The following F13A1 variants were observed in gnomAD, a reference collection of about 807,000 sequenced individuals.
The protein encoded by F13A1 is coagulation factor XIII A chain, also known as FSF, A subunit.
Under a neutral mutation model 80.1 loss-of-function variants are expected in F13A1, and 47 were observed. The ratio of observed to expected loss-of-function variants is 0.59; its 90% CI spans 0.46 to 0.75. The LOEUF is 0.75. Among genes scored for constraint, F13A1 ranks in the 30% least tolerant of loss-of-function variants. The probability of loss-of-function intolerance (pLI) is 0.00; values close to 1 mark genes in which losing one functional copy is unlikely to be tolerated. For synonymous variants in F13A1, 349 were observed against 344.9 expected, an observed-to-expected ratio of 1.01 and a Z score of -0.13; for missense variants, 817 against 930.4, an observed-to-expected ratio of 0.88 and a Z score of 1.59.
At chr6:6,168,558 A>G (rs1583052632) in intron 12 of F13A1, among the ~76,000 whole-genome samples, 1 of 152,170 alleles carries the variant, frequency 6.6e-6, no homozygotes, top group African/African-American at 2.4e-5. Context: ...TGAATGGGTG[A>G]CTCATTCCTC....
At chr6:6,209,143 C>T (rs1041018597) in intron 8 of F13A1, among the ~76,000 whole-genome samples, 3 of 151,754 alleles carry the variant, frequency 2.0e-5, no homozygotes, top group African/African-American at 7.3e-5. Context: ...TTCAACAATA[C>T]AAAAGTAGGT....
chr6:6,264,822 C>T (rs1318380318), intron 4 of F13A1, among the ~76,000 whole-genome samples: 2 of 152,212 alleles, frequency 1.3e-5, no homozygotes, highest in African/African-American at 4.8e-5. Context: ...TTGAACTGCA[C>T]ATGGCCCAGT....
intron 13 of F13A1, among the ~76,000 whole-genome samples, chr6:6,155,444 G>A (rs565492781): frequency 1.3e-5 from 2 of 152,292 alleles, no homozygotes; most frequent in East Asian, 3.9e-4. Flanking sequence ...GGAGTGGGGA[G>A]CAGGGAGAAG....
At chr6:6,151,127 G>A (rs1760366090) in intron 14 of F13A1, among the ~76,000 whole-genome samples, 1 of 152,208 alleles carries the variant, frequency 6.6e-6, no homozygotes, top group Non-Finnish European at 1.5e-5. Flanking sequence ...CTCTTTGTTA[G>A]TAGAAGTCAC....
At chr6:6,168,713 T>C (rs1760719192) in intron 12 of F13A1, among the ~76,000 whole-genome samples, 2 of 152,244 alleles carry the variant, frequency 1.3e-5, no homozygotes, top group Admixed American at 1.3e-4. Context: ...GCCAACAGTT[T>C]GAGCACAGAG....
At chr6:6,284,853 T>C (rs1758113742) in intron 3 of F13A1, among the ~76,000 whole-genome samples, 1 of 152,184 alleles carries the variant, frequency 6.6e-6, no homozygotes. Flanking sequence ...GATTTTACCC[T>C]TCAACTCTAG....
intron 14 of F13A1, among the ~76,000 whole-genome samples, chr6:6,150,359 A>AT (rs538953097): frequency 6.0e-5 from 9 of 151,024 alleles, no homozygotes; most frequent in Middle Eastern, 3.2e-3. Context: ...TAATTTACTT[A>AT]TTTTTTTTTC....
At position 6,301,536 on chromosome 6, in the gene F13A1, T is replaced by C. The variant is rs1354341299; in HGVS notation, c.319+3815A>G. Among the ~76,000 whole-genome samples the C allele has an allele frequency of 6.6e-5, 10 of 152,312 alleles. No homozygotes were observed. In the East Asian group the frequency reaches 1.5e-3, roughly 23 times the overall value. On this transcript the variant is annotated intron_variant, in intron 3 of 14. Coordinates refer to ENST00000264870, the MANE Select transcript of F13A1 (RefSeq NM_000129.4). ...CGCACACATCATGGGTTCTGAAAGG[T>C]TTAGAATACATGTTGGTTTAAAAAT...
chr6:6,224,603 G>T, intron 7 of F13A1, 83 bp downstream of exon 7: 1 of 1,310,628 alleles, frequency 7.6e-7, no homozygotes, highest in Non-Finnish European at 1.1e-6. Context: ...GGGCTGCTAT[G>T]TCTCTTTGTT....
chr6:6,181,738 T>G (rs534418240), intron 11 of F13A1, among the ~76,000 whole-genome samples: 1 of 152,362 alleles, frequency 6.6e-6, no homozygotes, highest in East Asian at 1.9e-4. Context: ...TTAAATTAGG[T>G]ATGACTTTAA....
chr6:6,281,561 A>C (rs891174375), intron 3 of F13A1, among the ~76,000 whole-genome samples: 2 of 152,202 alleles, frequency 1.3e-5, no homozygotes, highest in African/African-American at 4.8e-5. Flanking sequence ...CCTTATATCA[A>C]AATAATAAAT....
At chr6:6,311,790 C>A (rs866143539) in intron 2 of F13A1, among the ~76,000 whole-genome samples, 1,602 of 143,056 alleles carry the variant, frequency 0.011, 14 homozygotes, top group Middle Eastern at 0.03. Context: ...TTATTTATAT[C>A]TTTATATATT....
At chr6:6,314,306 TC>T (rs1326839016) in intron 2 of F13A1, among the ~76,000 whole-genome samples, 1 of 152,020 alleles carries the variant, frequency 6.6e-6, no homozygotes, top group Non-Finnish European at 1.5e-5. Context: ...AAAGCATAAT[TC>T]TGATTATGTA....
At chr6:6,150,000 G>GCACTGTGTAATAATT (rs1301085562) in intron 14 of F13A1, among the ~76,000 whole-genome samples, 1 of 152,206 alleles carries the variant, frequency 6.6e-6, no homozygotes, top group African/African-American at 2.4e-5. Flanking sequence ...GTGGGTCATT[G>GCACTGTGTAATAATT]CACTGTGTAA....
intron 8 of F13A1, among the ~76,000 whole-genome samples, chr6:6,218,793 G>C (rs1757143019): frequency 6.6e-6 from 1 of 152,194 alleles, no homozygotes; most frequent in Non-Finnish European, 1.5e-5. Context: ...AGTAAGGCGA[G>C]AAGGGTCACA....
At chr6:6,273,331 C>G (rs1477782236) in intron 3 of F13A1, among the ~76,000 whole-genome samples, 1 of 152,192 alleles carries the variant, frequency 6.6e-6, no homozygotes, top group African/African-American at 2.4e-5. Flanking sequence ...GAGCTCTCTG[C>G]AAATGGCAAG....
intron 3 of F13A1, among the ~76,000 whole-genome samples, chr6:6,289,980 G>A (rs1758201805): frequency 6.6e-6 from 1 of 152,130 alleles, no homozygotes; most frequent in South Asian, 2.1e-4. Context: ...CAAAAGGTTG[G>A]CATTGAACAC....
intron 11 of F13A1, among the ~76,000 whole-genome samples, chr6:6,179,167 C>G (rs1454698441): frequency 6.6e-6 from 1 of 152,094 alleles, no homozygotes; most frequent in African/African-American, 2.4e-5. Context: ...AACAGTGACC[C>G]TGGAAGTAAC....
At chr6:6,181,915 A>G in intron 11 of F13A1, 73 bp downstream of exon 11, 1 of 1,548,254 alleles carries the variant, frequency 6.5e-7, no homozygotes, top group Non-Finnish European at 8.9e-7. Context: ...TCTGGAACTC[A>G]TCTCTGAGTG....
Sources: allele counts gnomAD v4.1 joint callset (sites outside exome capture counted in the v4.1 genomes callset), GRCh38; gene constraint gnomAD v4.1.1; transcripts MANE v1.5; gene names NCBI Gene and HGNC (gene_info 2026-07-23, HGNC 2026-07-21).